KIF3A: variants seen among roughly 807,000 people sequenced by gnomAD.
KIF3A encodes the protein kinesin family member 3A, also known as kinesin-like protein KIF3A.
A neutral mutation model predicts 92.6 loss-of-function variants in KIF3A; 27 were observed. The observed-to-expected ratio is 0.29, with a 90% CI of 0.21 to 0.40. The LOEUF (loss-of-function observed/expected upper bound fraction) is 0.40, where lower values mean the gene tolerates loss of function less well. Among genes scored for constraint, KIF3A ranks in the 10% least tolerant of loss-of-function variants. The pLI is 1.00. For synonymous variants in KIF3A, 250 were observed against 275.4 expected, an observed-to-expected ratio of 0.91 and a Z score of 0.92; for missense variants, 581 against 872.6, an observed-to-expected ratio of 0.67 and a Z score of 4.21.
At chr5:132,707,706 T>C (rs1015837383) in intron 10 of KIF3A, among the ~76,000 whole-genome samples, 3 of 152,172 alleles carry the variant, frequency 2.0e-5, no homozygotes, top group African/African-American at 7.2e-5. Context: ...ATTATTCTTC[T>C]AGAAAGCTAA....
In KIF3A at chr5:132,716,282, A is replaced by G; in HGVS notation, c.917T>C (p.Leu306Pro). ...TGAATTTCCTCCTAAGGAATCCTGA[A>G]GAAGACGAGTCAGTTTAGAGTTACG... ...PYRNSKLTRL[L>P]QDSLGGNSKT... The change falls in exon 7 of 19, where the codon CTT becomes CCT. Residue 306 changes from leucine to proline, a missense_variant. Around this residue, in one of 5 missense-constraint regions of KIF3A, gnomAD observed 40 missense variants for 107.0 expected, o/e 0.37. Coordinates refer to ENST00000403231, the MANE Select transcript of KIF3A (RefSeq NM_001300791.2). 1 of 1,614,036 alleles carries G rather than the reference A, an allele frequency of 6.2e-7. No homozygotes were observed. Among genetic ancestry groups the G allele is most frequent in the Non-Finnish European group, 8.5e-7 (1 of 1,179,910 alleles).
At chr5:132,699,130 C>A (rs111529871) in intron 18 of KIF3A, 41 bp downstream of exon 18, 3 of 1,589,316 alleles carry the variant, frequency 1.9e-6, no homozygotes, top group Non-Finnish European at 2.6e-6. Context: ...ATTAGAATAC[C>A]TCAATGCCTT....
At chr5:132,701,131 CAA>C (rs56411849) in intron 15 of KIF3A, among the ~76,000 whole-genome samples, 87,138 of 142,636 alleles carry the variant, frequency 0.61, 27,409 homozygotes, top group Non-Finnish European at 0.74. Flanking sequence ...ACCTGAGGTC[CAA>C]AAAAAAAAAA....
Position 132,711,003 on chromosome 5 carries a change from T to A in KIF3A, c.1184A>T (p.Glu395Val). The A allele has an allele frequency of 6.2e-7, 1 of 1,611,818 alleles. No homozygotes were observed. The highest frequency in any genetic ancestry group is 1.1e-5 in the South Asian group (1 of 91,020). Residue 395 changes from glutamate to valine, a missense_variant, in exon 9 of 19, where the codon GAG becomes GTG. Glu to Val is a moderately radical substitution (Grantham distance 121). Transcript: ENST00000403231. ...ISGSEEDDDEEGEVGEDGEKR... is the reference protein window; with the variant it reads ...ISGSEEDDDEVGEVGEDGEKR... ...CTCTCCATCTTCTCCAACCTCACCC[T>A]CTTCATCATCATCTTCCTCTGACCC...
intron 17 of KIF3A, chr5:132,699,659 C>G (rs1752963759): frequency 7.4e-6 from 3 of 403,466 alleles, no homozygotes; most frequent in Non-Finnish European, 1.4e-5. Context: ...CCTGGGTTCA[C>G]GCCATTCTCC....
At chr5:132,699,535 C>A in intron 17 of KIF3A, 4 of 543,714 alleles carry the variant, frequency 7.4e-6, no homozygotes, top group Non-Finnish European at 7.0e-6. Flanking sequence ...TGCTGTTTTT[C>A]TTAAAGCTGC....
intron 15 of KIF3A, 26 bp downstream of exon 15, chr5:132,702,061 T>A: frequency 6.3e-7 from 1 of 1,596,886 alleles, no homozygotes; most frequent in Non-Finnish European, 8.6e-7. Flanking sequence ...CAAGCGACTA[T>A]CTCGGTCAGA....
intron 2 of KIF3A, among the ~76,000 whole-genome samples, chr5:132,732,817 G>C (rs1325593679): frequency 6.6e-6 from 1 of 151,970 alleles, no homozygotes. Flanking sequence ...GCTGAGGCAG[G>C]AGAATCGCTT....
Position 132,696,540 on chromosome 5 carries a change from G to A in KIF3A, c.*94C>T, listed in dbSNP as rs1320966178. The A allele has an allele frequency of 1.4e-6, 1 of 739,138 alleles. No individual in the cohort carries two copies. The highest frequency in any genetic ancestry group is 2.4e-6 in the Non-Finnish European group (1 of 425,074). 45.8% of individuals were successfully genotyped at this position (739,138 alleles called of 1,614,324 possible). The stretch of plus-strand genomic sequence containing the variant: ...CATTGATCTACAACTTCCATTAATT[G>A]AAATTATAGAGAAGTCTTCACTGTT... On this transcript the variant is annotated 3_prime_UTR_variant, in exon 19 of 19. Coordinates refer to ENST00000403231, the MANE Select transcript of KIF3A (RefSeq NM_001300791.2).
chr5:132,708,834 C>T, intron 10 of KIF3A, 73 bp downstream of exon 10: 2 of 953,364 alleles, frequency 2.1e-6, no homozygotes, highest in South Asian at 2.8e-5. Context: ...AGTGGTGCAG[C>T]ATTGCTCAAA....
At chr5:132,699,866 C>A (rs1230370713) in intron 17 of KIF3A, among the ~76,000 whole-genome samples, 1 of 152,062 alleles carries the variant, frequency 6.6e-6, no homozygotes, top group Non-Finnish European at 1.5e-5. Flanking sequence ...CCGGCCCGCT[C>A]CCTCTTCTTC....
rs1454592172 is a variant in KIF3A, at chr5:132,696,255, A to C, written c.*379T>G. 6.5e-6 allele frequency: 1 copy of C among 153,410 alleles called. No homozygotes were observed. The highest frequency in any genetic ancestry group is 1.4e-5 in the Non-Finnish European group (1 of 72,154). The allele number at this position is 153,410 out of a possible 1,614,324, so 9.5% of individuals were successfully genotyped here. A position where few individuals can be genotyped will look rare whatever the true frequency, so the allele number is the denominator to read the frequency against. Reference sequence around the variant, plus strand: ...TGATCTGCTTCTTTCTATGTGCAAAACAGGACACAGTTTTTTTTTTTCTAT... The same window carrying C: ...TGATCTGCTTCTTTCTATGTGCAAACCAGGACACAGTTTTTTTTTTTCTAT... On this transcript the variant is annotated 3_prime_UTR_variant, in exon 19 of 19. Transcript: ENST00000403231.
At chr5:132,734,109 T>C in intron 2 of KIF3A, 96 bp downstream of exon 2, 1 of 934,860 alleles carries the variant, frequency 1.1e-6, no homozygotes, top group Non-Finnish European at 1.6e-6. Context: ...ATATATTTAC[T>C]ACACTCATCA....
At chr5:132,699,588 TCA>T (rs1300119494) in intron 17 of KIF3A, 1 of 460,550 alleles carries the variant, frequency 2.2e-6, no homozygotes. Context: ...AGACGGAGTC[TCA>T]CTCTGTCGCC....
chr5:132,714,682 T>A (rs1753557373), intron 8 of KIF3A, among the ~76,000 whole-genome samples: 1 of 152,102 alleles, frequency 6.6e-6, no homozygotes, highest in Non-Finnish European at 1.5e-5. Flanking sequence ...TGATGAAAAA[T>A]TTCTAGAAAT....
At position 132,737,535 on chromosome 5, in the gene KIF3A, C is replaced by T; in HGVS notation, c.-116G>A. On this transcript the variant is annotated 5_prime_UTR_variant, in exon 1 of 19. Coordinates refer to ENST00000403231, the MANE Select transcript of KIF3A (RefSeq NM_001300791.2). Reference sequence around the variant, plus strand: ...AAACACCTCGTTGACGCTCTCGAGACTGCGGCTTCTCGGGCGAGAGCGCCC... The same window carrying T: ...AAACACCTCGTTGACGCTCTCGAGATTGCGGCTTCTCGGGCGAGAGCGCCC... 2 of 1,249,288 alleles carry T rather than the reference C, an allele frequency of 1.6e-6. No individual in the cohort carries two copies. The highest frequency in any genetic ancestry group is 2.9e-5 in the East Asian group (1 of 34,270). The allele number at this position is 1,249,288 out of a possible 1,614,324, so 77.4% of individuals were successfully genotyped here. A position where few individuals can be genotyped will look rare whatever the true frequency, so the allele number is the denominator to read the frequency against.
chr5:132,713,550 T>A (rs1007231174), intron 8 of KIF3A, among the ~76,000 whole-genome samples: 1 of 152,146 alleles, frequency 6.6e-6, no homozygotes. Flanking sequence ...AGAAATGTCA[T>A]AAGAGCAAAA....
At chr5:132,737,389 C>T (rs1456032073) in intron 1 of KIF3A, 25 bp downstream of exon 1, 3 of 1,608,370 alleles carry the variant, frequency 1.9e-6, no homozygotes, top group Non-Finnish European at 2.5e-6. Context: ...AGAAGAAACC[C>T]CAGAAGCGAA....
chr5:132,707,518 T>A (rs773113099), intron 10 of KIF3A, among the ~76,000 whole-genome samples: 1 of 152,230 alleles, frequency 6.6e-6, no homozygotes, highest in African/African-American at 2.4e-5. Flanking sequence ...GAAAACTAAA[T>A]TGCAACGCCT....
Sources: gnomAD v4.1 joint callset for allele counts (sites outside exome capture counted in the v4.1 genomes callset) on GRCh38, gnomAD v4.1.1 for gene constraint, gnomAD v4.1.1 regional missense constraint, MANE v1.5 for transcripts, NCBI Gene and HGNC (gene_info 2026-07-23, HGNC 2026-07-21) for gene names.